The following FSIP2 variants were observed in gnomAD, a reference collection of about 807,000 sequenced individuals.
The protein encoded by FSIP2 is fibrous sheath interacting protein 2, also known as fibrous sheath-interacting protein 2.
In FSIP2, 367 loss-of-function variants were observed where a neutral mutation model predicts 510.5. That is an observed-to-expected ratio of 0.72 (90% CI 0.66 to 0.78). The LOEUF (loss-of-function observed/expected upper bound fraction) is 0.78, where lower values mean the gene tolerates loss of function less well. Ranked by LOEUF, FSIP2 falls within the 30% of genes least tolerant of loss-of-function variation. The pLI is 0.00. For synonymous variants in FSIP2, 2,601 were observed against 2,732.2 expected (o/e 0.95, Z 1.50); for missense variants, 7,594 against 7,901.7 (o/e 0.96, Z 1.48).
At chr2:185,776,127 C>T (rs1440519374) in intron 13 of FSIP2, among the ~76,000 whole-genome samples, 1 of 152,062 alleles carries the variant, frequency 6.6e-6, no homozygotes, top group Non-Finnish European at 1.5e-5. Flanking sequence ...AAAACTTAGC[C>T]AGGCATGTTG....
intron 22 of FSIP2, among the ~76,000 whole-genome samples, chr2:185,832,299 T>G (rs1293007374): frequency 6.6e-6 from 1 of 151,874 alleles, no homozygotes; most frequent in Non-Finnish European, 1.5e-5. Flanking sequence ...GTAGGTACCA[T>G]AAACAACAGC....
chr2:185,800,319 T>A lies in FSIP2; in HGVS notation c.11013T>A (p.Asn3671Lys). ...AAATTGGTCAACTTTTTCAAAAAAA[T>A]AAGTTAAGTTATCTTGCATGTAAGT... ...TQQIGQLFQKNKLSYLACKLN... is the reference protein window; with the variant it reads ...TQQIGQLFQKKKLSYLACKLN... Residue 3671 changes from asparagine (N) to lysine (K), a missense_variant, in exon 17 of 23, where the codon AAT becomes AAA. By Grantham distance (94) the Asn-to-Lys change is moderately conservative (BLOSUM62 0). Transcript: ENST00000424728. 1.3e-6 allele frequency: 2 copies of A among 1,533,388 alleles called. No individual in the cohort carries two copies. The highest frequency in any genetic ancestry group is 1.7e-6 in the Non-Finnish European group (2 of 1,145,296). 95.0% of individuals were successfully genotyped at this position (1,533,388 alleles called of 1,614,324 possible).
rs1559006414 is a variant in FSIP2, at chr2:185,738,972, G to A, written c.78G>A (p.Ala26=). Residue 26 remains alanine (A), a synonymous_variant, in exon 1 of 23, where the codon GCG becomes GCA. Coordinates refer to ENST00000424728, the MANE Select transcript of FSIP2 (RefSeq NM_173651.4). ...VTKTVASVLA[A]DTQQCRDGVH... is the part of the protein sequence containing the mutation. ...AGACGGTCGCCAGCGTCCTGGCCGC[G>A]GACACCCAGCAGTGCAGAGACGTGA... 6.5e-7 allele frequency: 1 copy of A among 1,533,588 alleles called. No individual in the cohort carries two copies. The highest frequency in any genetic ancestry group is 8.7e-7 in the Non-Finnish European group (1 of 1,146,560). The allele number at this position is 1,533,588 out of a possible 1,614,324, so 95.0% of individuals were successfully genotyped here. A position where few individuals can be genotyped will look rare whatever the true frequency, so the allele number is the denominator to read the frequency against.
rs1409004156 is a variant in FSIP2, at chr2:185,807,734, G to T, written c.18428G>T (p.Cys6143Phe). 6.2e-7 allele frequency: 1 copy of T among 1,611,710 alleles called. No homozygotes were observed. Among genetic ancestry groups the T allele is most frequent in the Admixed American group, 1.7e-5 (1 of 59,766 alleles). ...TGTGGAGAGCTAACTCCACATCAGT[G>T]TGTGGAAGTTGAAAACATCGTTGAA... ...YFCGELTPHQ[C>F]VEVENIVEKI... Residue 6143 changes from cysteine to phenylalanine, a missense_variant, in exon 17 of 23, where the codon TGT becomes TTT. By Grantham distance (205) the Cys-to-Phe change is radical. Transcript: ENST00000424728.
At chr2:185,823,102 T>A (rs764128620) in intron 19 of FSIP2, among the ~76,000 whole-genome samples, 2 of 151,832 alleles carry the variant, frequency 1.3e-5, no homozygotes, top group African/African-American at 2.4e-5. Flanking sequence ...CTAAAAAAAC[T>A]TTTGTTGGAA....
In FSIP2 at chr2:185,788,839, A is replaced by G. The variant is rs111265848; in HGVS notation, c.1703A>G (p.Tyr568Cys). Residue 568 changes from tyrosine to cysteine, a missense_variant, in exon 16 of 23, where the codon TAT becomes TGT. Transcript: ENST00000424728. ...AGCACGTGCAGTGAAGACTTTACAT[A>G]TAGAAGCTACACATCTGCAACAACT... is the stretch of plus-strand genomic sequence containing the variant. ...FCSTCSEDFT[Y>C]RSYTSATTKT... is the part of the protein sequence containing the mutation. 11 of 1,534,536 alleles carry G rather than the reference A, an allele frequency of 7.2e-6. No individual in the cohort carries two copies. In the African/African-American group the frequency reaches 1.1e-4, roughly 15 times the overall value.
rs1416217250 is a variant in FSIP2, at chr2:185,808,537, A to T, written c.19231A>T (p.Asn6411Tyr). 1 of 1,612,676 alleles carries T rather than the reference A, an allele frequency of 6.2e-7. No individual in the cohort carries two copies. The highest frequency in any genetic ancestry group is 2.2e-5 in the East Asian group (1 of 44,722). ...TTCTGATCCTGAAGAGCACTGTTTA[A>T]ATCCAGAAAATACAGAAAGGATTTA... is the stretch of plus-strand genomic sequence containing the variant. Reference protein sequence around the residue: ...IASDPEEHCLNPENTERIYQV... With the variant: ...IASDPEEHCLYPENTERIYQV... The change falls in exon 17 of 23, where the codon AAT (asparagine) becomes TAT (tyrosine). Residue 6411 changes from asparagine to tyrosine, a missense_variant. Asn to Tyr is a moderately radical substitution (Grantham distance 143). Coordinates refer to ENST00000424728, the MANE Select transcript of FSIP2 (RefSeq NM_173651.4).
Position 185,805,555 on chromosome 2 carries a change from C to CA in FSIP2, c.16252dup (p.Arg5418LysfsTer30). ...ATTTCTAAATCCAGATAATATCACC[C>CA]AAAGGGTTCAACACCTACCACAAAA... On this transcript the variant is annotated frameshift_variant, in exon 17 of 23. Coordinates refer to ENST00000424728, the MANE Select transcript of FSIP2 (RefSeq NM_173651.4). LOFTEE classifies it high-confidence loss of function. 2 of 1,611,170 alleles carry CA rather than the reference C, an allele frequency of 1.2e-6. No homozygotes were observed. The highest frequency in any genetic ancestry group is 1.7e-6 in the Non-Finnish European group (2 of 1,178,374).
chr2:185,796,866 C>T lies in FSIP2; in HGVS notation c.9730C>T (p.His3244Tyr). 1.3e-6 allele frequency: 2 copies of T among 1,535,028 alleles called. No individual in the cohort carries two copies. Among genetic ancestry groups the T allele is most frequent in the Non-Finnish European group, 1.7e-6 (2 of 1,146,234 alleles). Residue 3244 changes from histidine (H) to tyrosine (Y), a missense_variant, in exon 16 of 23, where the codon CAC (histidine) becomes TAC (tyrosine). By Grantham distance (83) the His-to-Tyr change is moderately conservative (BLOSUM62 2). Coordinates refer to ENST00000424728, the MANE Select transcript of FSIP2 (RefSeq NM_173651.4). ...TTCTACTAGAAACAAAGTACAAGACCACAGACCAAGGGAATCTAACTTTGG... is the reference window on the plus strand; with the variant it reads ...TTCTACTAGAAACAAAGTACAAGACTACAGACCAAGGGAATCTAACTTTGG... ...SCSTRNKVQDHRPRESNFGSF... is the reference protein window; with the variant it reads ...SCSTRNKVQDYRPRESNFGSF...
chr2:185,806,513 C>A lies in FSIP2; in HGVS notation c.17207C>A (p.Ser5736Tyr), dbSNP rs769959349. The change falls in exon 17 of 23, where the codon TCC becomes TAC. Residue 5736 changes from serine (S) to tyrosine (Y), a missense_variant. Ser to Tyr is a moderately radical substitution (Grantham distance 144). Coordinates refer to ENST00000424728, the MANE Select transcript of FSIP2 (RefSeq NM_173651.4). ...AQSVTTKKVS[S>Y]STNKNISAKE... ...TCTGTTACAACAAAAAAAGTATCCT[C>A]CTCAACTAACAAAAATATCTCTGCC... 1.9e-6 allele frequency: 3 copies of A among 1,599,630 alleles called. No individual in the cohort carries two copies. Among genetic ancestry groups the A allele is most frequent in the Non-Finnish European group, 1.7e-6 (2 of 1,175,766 alleles).
rs1693106119 is a variant in FSIP2 at position 185,790,882 on chromosome 2, G to GA, written c.3751dup (p.Ser1251LysfsTer2). ...GAAAAGCCTCCCTGGTTAAAATCTG[G>GA]AAAAAGTGAACCTAAACCTGTAGAT... On this transcript the variant is annotated frameshift_variant, in exon 16 of 23. Transcript: ENST00000424728. LOFTEE classifies it high-confidence loss of function. 1.3e-6 allele frequency: 2 copies of GA among 1,530,674 alleles called. No individual in the cohort carries two copies. Among genetic ancestry groups the GA allele is most frequent in the African/African-American group, 2.8e-5 (2 of 72,530 alleles). The allele number at this position is 1,530,674 out of a possible 1,614,324, so 94.8% of individuals were successfully genotyped here. A position where few individuals can be genotyped will look rare whatever the true frequency, so the allele number is the denominator to read the frequency against.
intron 7 of FSIP2, among the ~76,000 whole-genome samples, chr2:185,749,251 T>C (rs1341348623): frequency 1.3e-5 from 2 of 151,954 alleles, no homozygotes; most frequent in African/African-American, 4.8e-5. Flanking sequence ...AATTTACCTC[T>C]TTATAATATT....
chr2:185,804,834 G>C lies in FSIP2; in HGVS notation c.15528G>C (p.Glu5176Asp), dbSNP rs758214133. Reference sequence around the variant, plus strand: ...ATGAGATTCGACTTTCCATGGCAGAGGATAATGCAGAAAGTATGCAGTTAG... The same window carrying C: ...ATGAGATTCGACTTTCCATGGCAGACGATAATGCAGAAAGTATGCAGTTAG... ...SEHEIRLSMA[E>D]DNAESMQLEP... is the part of the protein sequence containing the mutation. Residue 5176 changes from glutamate to aspartate, a missense_variant, in exon 17 of 23, where the codon GAG becomes GAC. Transcript: ENST00000424728. 6.5e-7 allele frequency: 1 copy of C among 1,531,710 alleles called. No homozygotes were observed. Among genetic ancestry groups the C allele is most frequent in the South Asian group, 1.2e-5 (1 of 83,578 alleles). 94.9% of individuals were successfully genotyped at this position (1,531,710 alleles called of 1,614,324 possible).
chr2:185,737,592 A>G (rs1691810104), upstream of FSIP2, among the ~76,000 whole-genome samples: 3 of 152,176 alleles, frequency 2.0e-5, no homozygotes, highest in Admixed American at 6.5e-5. Context: ...GATAAGGGGA[A>G]AAAGAAGTAT....
chr2:185,784,220 A>T (rs1692914085), intron 14 of FSIP2: 1 of 152,176 alleles, frequency 6.6e-6, no homozygotes, highest in Non-Finnish European at 1.5e-5. Flanking sequence ...ATATGACAGC[A>T]GTGGGAGTAA....
rs2105638198 is a variant in FSIP2 at position 185,800,955 on chromosome 2, T to C, written c.11649T>C (p.Ser3883=). ...ACAGAACAAGAGAAATACAGTCTAG[T>C]TTCATAAAAGCAAGAAAGTCAGAAT... ...LNYRTREIQS[S]FIKARKSELI... is the part of the protein sequence containing the mutation. Residue 3883 remains serine (S), a synonymous_variant, in exon 17 of 23, where the codon AGT becomes AGC. Coordinates refer to ENST00000424728, the MANE Select transcript of FSIP2 (RefSeq NM_173651.4). 6.5e-7 allele frequency: 1 copy of C among 1,529,386 alleles called. No homozygotes were observed. The highest frequency in any genetic ancestry group is 8.7e-7 in the Non-Finnish European group (1 of 1,143,348). The allele number at this position is 1,529,386 out of a possible 1,614,324, so 94.7% of individuals were successfully genotyped here.
In FSIP2 at chr2:185,789,541, G is replaced by A; in HGVS notation, c.2405G>A (p.Gly802Glu). 6.5e-7 allele frequency: 1 copy of A among 1,534,658 alleles called. No homozygotes were observed. The highest frequency in any genetic ancestry group is 8.7e-7 in the Non-Finnish European group (1 of 1,145,868). Reference protein sequence around the residue: ...ASDELLTSSNGKPLKNSMPHT... With the variant: ...ASDELLTSSNEKPLKNSMPHT... ...GATGAACTTCTCACATCATCTAATG[G>A]AAAACCTTTGAAAAATTCAATGCCT... The change falls in exon 16 of 23, where the codon GGA (glycine) becomes GAA (glutamate). Residue 802 changes from glycine (G) to glutamate (E), a missense_variant. By Grantham distance (98) the Gly-to-Glu change is moderately conservative. Transcript: ENST00000424728.
intron 20 of FSIP2, among the ~76,000 whole-genome samples, chr2:185,825,911 T>C (rs1426542097): frequency 2.0e-5 from 3 of 151,828 alleles, no homozygotes; most frequent in East Asian, 3.9e-4. Context: ...TGTCACATAA[T>C]GATGTTTTGG....
Position 185,824,490 on chromosome 2 carries a change from CT to C in FSIP2, c.20473+15del. ...GCTAAAATATTAGAAGGTTGGACTC[CT>C]TTTTCTTAAATTAGAGAGTATTTTT... On this transcript the variant is annotated intron_variant, in intron 20 of 22. Transcript: ENST00000424728. 9 of 1,523,604 alleles carry C rather than the reference CT, an allele frequency of 5.9e-6. No individual in the cohort carries two copies. Among genetic ancestry groups the C allele is most frequent in the Non-Finnish European group, 8.1e-6 (9 of 1,113,558 alleles). 94.4% of individuals were successfully genotyped at this position (1,523,604 alleles called of 1,614,324 possible). A position where few individuals can be genotyped will look rare whatever the true frequency, so the allele number is the denominator to read the frequency against.
Sources: gnomAD v4.1 joint callset for allele counts (sites outside exome capture counted in the v4.1 genomes callset) on GRCh38, gnomAD v4.1.1 for gene constraint, MANE v1.5 for transcripts, NCBI Gene and HGNC (gene_info 2026-07-23, HGNC 2026-07-21) for gene names.